Variants in CLSTN2 observed in about 807,000 individuals in gnomAD.
CLSTN2 encodes calsyntenin 2.
In CLSTN2, 48 loss-of-function variants were observed where a neutral mutation model predicts 101.2. The ratio of observed to expected loss-of-function variants is 0.47; its 90% CI spans 0.38 to 0.60. The LOEUF (loss-of-function observed/expected upper bound fraction) is 0.60. Among genes scored for constraint, CLSTN2 ranks in the 20% least tolerant of loss-of-function variants. CLSTN2 has a pLI of 0.00. For synonymous variants in CLSTN2, 481 were observed against 463.6 expected, an observed-to-expected ratio of 1.04 and a Z score of -0.48; for missense variants, 1,160 against 1,238.2, an observed-to-expected ratio of 0.94 and a Z score of 0.95.
chr3:140,408,250 C>A (rs1039196468), intron 4 of CLSTN2, among the ~76,000 whole-genome samples: 1 of 152,168 alleles, frequency 6.6e-6, no homozygotes, highest in African/African-American at 2.4e-5. Context: ...ACAGGATGAA[C>A]AATCAGTTTC....
Position 140,086,559 on chromosome 3 carries a change from A to G in CLSTN2, c.110-89392A>G, listed in dbSNP as rs536816150. On this transcript the variant is annotated intron_variant, in intron 1 of 16. Coordinates refer to ENST00000458420, the MANE Select transcript of CLSTN2 (RefSeq NM_022131.3). ...GTATTTGCTGTTATTGTAATTACAA[A>G]TACATATCCGTGACCTTCAATCCAA... Among the ~76,000 whole-genome samples, 148 of 152,346 alleles carry G rather than the reference A, an allele frequency of 9.7e-4. 1 individual carries two copies. Among genetic ancestry groups the G allele is most frequent in the African/African-American group, 3.4e-3 (142 of 41,580 alleles).
In CLSTN2 at chr3:140,572,263, G is replaced by A. The variant is rs1357681447; in HGVS notation, c.*6010G>A. On this transcript the variant is annotated 3_prime_UTR_variant, in exon 17 of 17. Transcript: ENST00000458420. The stretch of plus-strand genomic sequence containing the variant: ...GCAGACTGAGGAGCTCTCCAGGGAA[G>A]TAGGCAATATTTCCCTGAATATTCC... 6.6e-6 allele frequency: 1 copy of A among 152,270 alleles called. No homozygotes were observed. Among genetic ancestry groups the A allele is most frequent in the African/African-American group, 2.4e-5 (1 of 41,466 alleles). 9.4% of individuals were successfully genotyped at this position (152,270 alleles called of 1,614,324 possible).
Position 140,498,654 on chromosome 3 carries a change from C to T in CLSTN2, c.1344+31923C>T, listed in dbSNP as rs138655789. ...AAATTAAACAATTATTTGTTTTGTG[C>T]TAATTCACTCTCTTTAATGAAAGTT... On this transcript the variant is annotated intron_variant, in intron 8 of 16. Coordinates refer to ENST00000458420, the MANE Select transcript of CLSTN2 (RefSeq NM_022131.3). Among the ~76,000 whole-genome samples the T allele has an allele frequency of 5.1e-3, 772 of 152,274 alleles. 2 individuals carry two copies. The highest frequency in any genetic ancestry group is 7.5e-3 in the Non-Finnish European group (513 of 68,016).
At chr3:140,480,840 A>G (rs1197966738) in intron 8 of CLSTN2, among the ~76,000 whole-genome samples, 6 of 152,206 alleles carry the variant, frequency 3.9e-5, no homozygotes, top group African/African-American at 1.4e-4. Context: ...TAGATTGTGG[A>G]TATTAGCCCT....
chr3:140,365,161 T>A (rs9814193), intron 2 of CLSTN2, among the ~76,000 whole-genome samples: 62,891 of 151,906 alleles, frequency 0.41, 13,885 homozygotes, highest in Non-Finnish European at 0.5. Context: ...AGGACTAGGC[T>A]AGGGAGAGCA....
intron 9 of CLSTN2, among the ~76,000 whole-genome samples, chr3:140,538,464 C>G (rs1381459893): frequency 1.3e-5 from 2 of 152,052 alleles, no homozygotes; most frequent in Non-Finnish European, 2.9e-5. Flanking sequence ...TAGGAAGGGT[C>G]AAAAAGGGAT....
intron 1 of CLSTN2, among the ~76,000 whole-genome samples, chr3:140,152,306 T>A (rs1327152612): frequency 1.3e-5 from 2 of 152,060 alleles, no homozygotes; most frequent in Non-Finnish European, 2.9e-5. Context: ...ACTTTTTCTC[T>A]CCTTTCTCGT....
Position 140,556,605 on chromosome 3 carries a change from C to T in CLSTN2, c.1767C>T (p.Asn589=). The T allele has an allele frequency of 6.2e-7, 1 of 1,614,142 alleles. No homozygotes were observed. The highest frequency in any genetic ancestry group is 1.3e-5 in the African/African-American group (1 of 75,038). The change falls in exon 11 of 17, where the codon AAC becomes AAT. Residue 589 remains asparagine (N), a synonymous_variant. Coordinates refer to ENST00000458420, the MANE Select transcript of CLSTN2 (RefSeq NM_022131.3). ...CTCTCCAGAAAGTCTCCTACATCAA[C>T]TCCAGGCAGTTCCCAACGGCGGGTG... ...NRALQKVSYI[N]SRQFPTAGVR... is the part of the protein sequence containing the mutation.
At chr3:140,269,983 G>A (rs1176881972) in intron 2 of CLSTN2, among the ~76,000 whole-genome samples, 2 of 152,166 alleles carry the variant, frequency 1.3e-5, no homozygotes, top group Admixed American at 6.6e-5. Flanking sequence ...ACAAGAAAGA[G>A]GAAAAGCGGG....
intron 1 of CLSTN2, among the ~76,000 whole-genome samples, chr3:140,058,647 A>C (rs1007873015): frequency 6.6e-6 from 1 of 152,088 alleles, no homozygotes; most frequent in African/African-American, 2.4e-5. Flanking sequence ...GTTTAGACCT[A>C]CTCTCCTGGT....
intron 2 of CLSTN2, among the ~76,000 whole-genome samples, chr3:140,385,120 G>A (rs1053491513): frequency 6.6e-6 from 1 of 152,184 alleles, no homozygotes; most frequent in African/African-American, 2.4e-5. Flanking sequence ...GGTAGGGTGA[G>A]AGATCATGTA....
chr3:140,259,427 T>C (rs1350632472), intron 2 of CLSTN2, among the ~76,000 whole-genome samples: 1 of 152,102 alleles, frequency 6.6e-6, no homozygotes, highest in Non-Finnish European at 1.5e-5. Context: ...TGAGCTGAGA[T>C]TGCGCCATTG....
chr3:140,374,597 A>C (rs2087895271), intron 2 of CLSTN2, among the ~76,000 whole-genome samples: 1 of 152,264 alleles, frequency 6.6e-6, no homozygotes, highest in South Asian at 2.1e-4. Context: ...ATGGTATTAC[A>C]AATAACTTAG....
chr3:140,385,515 CCCACCA>C (rs1361750432), intron 2 of CLSTN2, among the ~76,000 whole-genome samples: 2 of 151,750 alleles, frequency 1.3e-5, no homozygotes, highest in African/African-American at 4.8e-5. Context: ...ACTACAGGTG[CCCACCA>C]CCACGCCTGG....
At position 140,566,092 on chromosome 3, in the gene CLSTN2, G is replaced by A. The variant is rs1299586978; in HGVS notation, c.2707G>A (p.Gly903Arg). The change falls in exon 17 of 17, where the codon GGA (glycine) becomes AGA (arginine). Residue 903 changes from glycine (G) to arginine (R), a missense_variant. Physicochemically the swap from Gly to Arg is moderately radical, Grantham distance 125. Transcript: ENST00000458420. ...GPGHGEDETE[G>R]EEEEEAEEEM... ...AGGGCATGGGGAAGATGAGACTGAG[G>A]GAGAAGAGGAGGAAGAAGCCGAGGA... 3 of 1,613,014 alleles carry A rather than the reference G, an allele frequency of 1.9e-6. No individual in the cohort carries two copies. Among genetic ancestry groups the A allele is most frequent in the Non-Finnish European group, 2.5e-6 (3 of 1,179,008 alleles).
intron 1 of CLSTN2, among the ~76,000 whole-genome samples, chr3:140,007,623 C>G (rs910165268): frequency 6.6e-6 from 1 of 152,104 alleles, no homozygotes; most frequent in South Asian, 2.1e-4. Flanking sequence ...ATCCACCATC[C>G]CACTCAGAGT....
intron 4 of CLSTN2, among the ~76,000 whole-genome samples, chr3:140,407,580 A>C (rs2088317579): frequency 6.6e-6 from 1 of 152,164 alleles, no homozygotes; most frequent in Non-Finnish European, 1.5e-5. Context: ...TAGAGAGAGC[A>C]CTCAATAAGT....
At chr3:140,248,862 A>G (rs2086538877) in intron 2 of CLSTN2, among the ~76,000 whole-genome samples, 2 of 152,216 alleles carry the variant, frequency 1.3e-5, no homozygotes, top group Admixed American at 1.3e-4. Flanking sequence ...CCACTAAGTA[A>G]CTATATGACC....
intron 1 of CLSTN2, among the ~76,000 whole-genome samples, chr3:139,998,148 G>A (rs1259558662): frequency 6.6e-6 from 1 of 151,948 alleles, no homozygotes; most frequent in Non-Finnish European, 1.5e-5. Context: ...TGCAGTGTTG[G>A]TCCAGGACAA....
Sources: gnomAD v4.1 joint callset for allele counts (sites outside exome capture counted in the v4.1 genomes callset) on GRCh38, gnomAD v4.1.1 for gene constraint, MANE v1.5 for transcripts, NCBI Gene and HGNC (gene_info 2026-07-23, HGNC 2026-07-21) for gene names.